The following CDC42BPA variants were observed in gnomAD, a reference collection of about 807,000 sequenced individuals.
CDC42BPA encodes CDC42 binding protein kinase alpha, also known as serine/threonine-protein kinase MRCK alpha.
CDC42BPA carries 80 observed loss-of-function variants against 223.5 expected under a neutral mutation model. The ratio of observed to expected loss-of-function variants is 0.36; its 90% CI spans 0.30 to 0.43. CDC42BPA has a LOEUF of 0.43. CDC42BPA is among the 20% of genes least tolerant of loss of function. The pLI is 1.00. For synonymous variants in CDC42BPA, 694 were observed against 718.6 expected, an observed-to-expected ratio of 0.97 and a Z score of 0.55; for missense variants, 1,743 against 2,099.9, an observed-to-expected ratio of 0.83 and a Z score of 3.32.
intron 10 of CDC42BPA, among the ~76,000 whole-genome samples, chr1:227,133,477 T>C (rs1315174101): frequency 1.3e-5 from 2 of 152,276 alleles, no homozygotes; most frequent in South Asian, 2.1e-4. Flanking sequence ...CAACAGCTCA[T>C]TGAGAACGGG....
intron 3 of CDC42BPA, among the ~76,000 whole-genome samples, chr1:227,210,150 T>C (rs1673613265): frequency 6.6e-6 from 1 of 152,214 alleles, no homozygotes. Context: ...GTTCCAAGTC[T>C]TTGCTATTGT....
Position 227,069,779 on chromosome 1 carries a change from C to A in CDC42BPA, c.2902G>T (p.Glu968Ter). Reference sequence around the variant, plus strand: ...TATGTGACATGTTTAATACTTACTTCAAATTGATCCAGAGCATCGGTAGGC... The same window carrying A: ...TATGTGACATGTTTAATACTTACTTAAAATTGATCCAGAGCATCGGTAGGC... ...NTPTDALDQF[E>*]TDPVENTYVW... The change falls in exon 21 of 37, where the codon GAA becomes TAA. Residue 968 changes from glutamate to a stop codon, truncating the protein, a stop_gained and splice_region_variant. Coordinates refer to ENST00000366766, the MANE Select transcript of CDC42BPA (RefSeq NM_001394014.1). LOFTEE classifies it high-confidence loss of function. 1.9e-6 allele frequency: 3 copies of A among 1,603,592 alleles called. No individual in the cohort carries two copies. The highest frequency in any genetic ancestry group is 1.7e-6 in the Non-Finnish European group (2 of 1,171,278).
chr1:227,200,891 G>C (rs1671635919), intron 3 of CDC42BPA, among the ~76,000 whole-genome samples: 1 of 151,912 alleles, frequency 6.6e-6, no homozygotes, highest in Non-Finnish European at 1.5e-5. Context: ...CAACATGACG[G>C]GTGTGAAATA....
intron 21 of CDC42BPA, among the ~76,000 whole-genome samples, chr1:227,054,625 C>A (rs996930159): frequency 6.6e-6 from 1 of 152,142 alleles, no homozygotes; most frequent in Admixed American, 6.5e-5. Flanking sequence ...TGCAACTACA[C>A]AAATTAGTAA....
In CDC42BPA at chr1:226,994,283, C is replaced by T; in HGVS notation, c.5250G>A (p.Gly1750=). 1 of 1,584,616 alleles carries T rather than the reference C, an allele frequency of 6.3e-7. No homozygotes were observed. ...CTGAGGCAGCTCACGGGTCCCAGCT[C>T]CCGCGGTCAGTGCTCTCCAGGGAGA... ...KSLSLESTDR[G]SWDP Residue 1750 remains glycine (G), a synonymous_variant, in exon 37 of 37, where the codon GGG becomes GGA. Coordinates refer to ENST00000366766, the MANE Select transcript of CDC42BPA (RefSeq NM_001394014.1). The surrounding 1 kb of genome is among the most constrained non-coding windows in gnomAD (Gnocchi z 4.0).
At chr1:227,171,731 A>C (rs956410589) in intron 5 of CDC42BPA, among the ~76,000 whole-genome samples, 5 of 152,082 alleles carry the variant, frequency 3.3e-5, no homozygotes, top group Admixed American at 6.6e-5. Context: ...TACAAATATT[A>C]CCCCCATAAG....
chr1:227,002,171 A>G (rs966180439), intron 35 of CDC42BPA, among the ~76,000 whole-genome samples: 7 of 152,188 alleles, frequency 4.6e-5, no homozygotes, highest in African/African-American at 1.7e-4. Flanking sequence ...TAAAACATAA[A>G]AACATTCTGG....
intron 21 of CDC42BPA, among the ~76,000 whole-genome samples, chr1:227,060,070 C>T (rs1193795425): frequency 1.6e-5 from 2 of 121,906 alleles, no homozygotes; most frequent in Admixed American, 1.1e-4. Flanking sequence ...CTCGCTCTGT[C>T]GCCCAGGCTG....
intron 1 of CDC42BPA, among the ~76,000 whole-genome samples, chr1:227,277,976 C>T (rs1252346048): frequency 6.6e-6 from 1 of 152,198 alleles, no homozygotes; most frequent in Admixed American, 6.5e-5. Flanking sequence ...GTCTCAATCT[C>T]CTGACCTCGT....
At chr1:227,267,867 T>A (rs947791804) in intron 1 of CDC42BPA, among the ~76,000 whole-genome samples, 1 of 151,758 alleles carries the variant, frequency 6.6e-6, no homozygotes, top group Admixed American at 6.6e-5. Flanking sequence ...TACGAGGGGG[T>A]AACAATTCGA....
At chr1:227,114,137 G>A (rs1235049037) in intron 12 of CDC42BPA, among the ~76,000 whole-genome samples, 2 of 151,688 alleles carry the variant, frequency 1.3e-5, no homozygotes, top group African/African-American at 4.8e-5. Context: ...ACCCAAACCA[G>A]AAGTGTTCAA....
At chr1:227,231,273 G>C (rs1023982841) in intron 2 of CDC42BPA, among the ~76,000 whole-genome samples, 1 of 151,780 alleles carries the variant, frequency 6.6e-6, no homozygotes, top group African/African-American at 2.4e-5. Context: ...TCAGAATAAT[G>C]GTTTCCAGCT....
chr1:227,256,938 T>TACACACACACACAC (rs1442280387), intron 1 of CDC42BPA, among the ~76,000 whole-genome samples: 1,761 of 119,958 alleles, frequency 0.015, 29 homozygotes, highest in African/African-American at 0.02. Context: ...AAATGTGATA[T>TACACACACACACAC]ATATATACAG....
At chr1:227,111,331 G>A (rs570235518) in intron 14 of CDC42BPA, among the ~76,000 whole-genome samples, 5 of 152,220 alleles carry the variant, frequency 3.3e-5, no homozygotes, top group Middle Eastern at 3.4e-3. Flanking sequence ...AAAATATCAC[G>A]TCAATTTGAT....
At chr1:227,089,848 A>C (rs1335186855) in intron 16 of CDC42BPA, among the ~76,000 whole-genome samples, 1 of 152,128 alleles carries the variant, frequency 6.6e-6, no homozygotes, top group Non-Finnish European at 1.5e-5. Context: ...TAAACCAATA[A>C]TTGAATGCAA....
At chr1:227,162,155 T>C (rs1181562284) in intron 5 of CDC42BPA, among the ~76,000 whole-genome samples, 16 of 152,098 alleles carry the variant, frequency 1.1e-4, no homozygotes, top group Non-Finnish European at 2.1e-4. Context: ...AAAGACAGGA[T>C]TTATATGCAT....
In CDC42BPA at chr1:227,213,196, A is replaced by G; in HGVS notation, c.294T>C (p.Asn98=). The G allele has an allele frequency of 6.4e-7, 1 of 1,559,316 alleles. No homozygotes were observed. The highest frequency in any genetic ancestry group is 1.7e-4 in the Middle Eastern group (1 of 5,900). Residue 98 remains asparagine, a synonymous_variant, in exon 3 of 37, where the codon AAT becomes AAC. Transcript: ENST00000366766. ...TTTTCATGGCAAACACTTTATCTGC[A>G]TTTTTTAGTTTTACTACAGCAACCT... The part of the protein sequence containing the change: ...FGEVAVVKLK[N]ADKVFAMKIL...
intron 2 of CDC42BPA, among the ~76,000 whole-genome samples, chr1:227,228,543 CAT>C (rs1054978377): frequency 6.6e-6 from 1 of 152,220 alleles, no homozygotes; most frequent in Admixed American, 6.5e-5. Flanking sequence ...CGTTTGTACA[CAT>C]GTCGGAGTAG....
Position 227,016,922 on chromosome 1 carries a change from T to C in CDC42BPA, c.4739+5A>G. 1 of 1,610,428 alleles carries C rather than the reference T, an allele frequency of 6.2e-7. No individual in the cohort carries two copies. Among genetic ancestry groups the C allele is most frequent in the South Asian group, 1.1e-5 (1 of 89,952 alleles). On this transcript the variant is annotated splice_donor_5th_base_variant and intron_variant, in intron 33 of 36. Coordinates refer to ENST00000366766, the MANE Select transcript of CDC42BPA (RefSeq NM_001394014.1). Reference sequence around the variant, plus strand: ...CATGGATGATACTACAGGTTAAGTATCTACCTCCTCTGCTGCATCCTTTCC... The same window carrying C: ...CATGGATGATACTACAGGTTAAGTACCTACCTCCTCTGCTGCATCCTTTCC...
Sources: gnomAD v4.1 joint callset for allele counts (sites outside exome capture counted in the v4.1 genomes callset) on GRCh38, gnomAD v4.1.1 for gene constraint, Gnocchi (gnomAD v3.1) non-coding constraint, MANE v1.5 for transcripts, NCBI Gene and HGNC (gene_info 2026-07-23, HGNC 2026-07-21) for gene names.